The following PIR variants were observed in gnomAD, a reference collection of about 807,000 sequenced individuals.
The protein encoded by PIR is pirin (iron-binding nuclear protein).
A neutral mutation model predicts 24.2 loss-of-function variants in PIR; 22 were observed. That is an observed-to-expected ratio of 0.91 (90% confidence interval 0.65 to 1.30). The LOEUF is 1.30. Among genes scored for constraint, PIR ranks in the 50% most tolerant of loss-of-function variants. The probability of loss-of-function intolerance (pLI) is 0.00; values close to 1 mark genes in which losing one functional copy is unlikely to be tolerated. For missense variants in PIR, 220 were observed against 220.3 expected, an observed-to-expected ratio of 1.00 and a Z score of 0.01; for synonymous variants, 80 against 79.6, an observed-to-expected ratio of 1.00 and a Z score of -0.03.
At chrX:15,426,824 G>T (rs967925726) in intron 5 of PIR, among the ~76,000 whole-genome samples, 4 of 111,976 alleles carry the variant, frequency 3.6e-5, no homozygotes, top group African/African-American at 1.3e-4. Context: ...TTGGGAAGCT[G>T]CTTGGCCATG....
chrX:15,442,902 T>C (rs1451449145), intron 5 of PIR, among the ~76,000 whole-genome samples: 2 of 112,609 alleles, frequency 1.8e-5, no homozygotes, highest in Admixed American at 1.9e-4. Context: ...CAAGTGCTGA[T>C]GGAGAAGCTG....
At chrX:15,456,397 A>C (rs1384884695) in intron 4 of PIR, among the ~76,000 whole-genome samples, 1 of 112,248 alleles carries the variant, frequency 8.9e-6, no homozygotes, top group African/African-American at 3.2e-5. Flanking sequence ...GATACAACTT[A>C]AGTAGTGAAA....
Position 15,446,706 on chromosome X carries a change from G to A in PIR, c.480+9142C>T, listed in dbSNP as rs138698764. Among the ~76,000 whole-genome samples the A allele has an allele frequency of 4.2e-3, 469 of 110,998 alleles. 2 individuals are homozygous for A. Among genetic ancestry groups the A allele is most frequent in the African/African-American group, 0.015 (453 of 30,503 alleles). ...CCATTAGCCTGCCATGATTTCTAGC[G>A]TGCTGACTCACCACAGTATACTCAT... On this transcript the variant is annotated intron_variant, in intron 5 of 9. Transcript: ENST00000380420.
intron 6 of PIR, among the ~76,000 whole-genome samples, chrX:15,412,486 A>C (rs1481110159): frequency 8.9e-6 from 1 of 112,395 alleles, no homozygotes; most frequent in Non-Finnish European, 1.9e-5. Context: ...TACTTATTTC[A>C]TATCTATCTT....
At chrX:15,469,631 GA>G (rs1251390400) in intron 3 of PIR, among the ~76,000 whole-genome samples, 2 of 111,304 alleles carry the variant, frequency 1.8e-5, no homozygotes, top group Non-Finnish European at 1.9e-5. Flanking sequence ...AAATTTGGGG[GA>G]AAAAATTAAG....
chrX:15,458,497 G>A (rs1921171192), intron 4 of PIR, among the ~76,000 whole-genome samples: 1 of 110,975 alleles, frequency 9.0e-6, no homozygotes, highest in South Asian at 3.8e-4. Flanking sequence ...AAATTAGCCA[G>A]GTGTGGTGTT....
chrX:15,431,671 A>C (rs202193269), intron 5 of PIR, among the ~76,000 whole-genome samples: 263 of 77,093 alleles, frequency 3.4e-3, no homozygotes, highest in African/African-American at 5.4e-3. Flanking sequence ...AAAAATAACC[A>C]CCCCCCCCCC....
rs1243490816 is a variant in PIR, at chrX:15,443,737, G to A, written c.480+12111C>T. On this transcript the variant is annotated intron_variant, in intron 5 of 9. Transcript: ENST00000380420. ...GGGGATCAAAATATCAACATTAATAGGAGTTTGGTAGAAGTTGATTCCAAC... is the reference window on the plus strand; with the variant it reads ...GGGGATCAAAATATCAACATTAATAAGAGTTTGGTAGAAGTTGATTCCAAC... 2.7e-5 allele frequency among the ~76,000 whole-genome samples: 3 copies of A among 111,414 alleles called. No individual in the cohort carries two copies. In the East Asian group the frequency reaches 8.4e-4, roughly 31 times the overall value.
chrX:15,417,487 T>C (rs1194933293), intron 6 of PIR, among the ~76,000 whole-genome samples: 1 of 112,182 alleles, frequency 8.9e-6, no homozygotes, highest in Non-Finnish European at 1.9e-5. Context: ...CCTTTCCTTT[T>C]TTTTCCCCAT....
chrX:15,484,282 A>G (rs1263989064), intron 2 of PIR, among the ~76,000 whole-genome samples: 1 of 99,309 alleles, frequency 1.0e-5, no homozygotes, highest in African/African-American at 3.6e-5. Flanking sequence ...AAAAGAGGAG[A>G]GCGGTAGATA....
chrX:15,420,120 C>G (rs1244628395), intron 6 of PIR, among the ~76,000 whole-genome samples: 1 of 110,496 alleles, frequency 9.1e-6, no homozygotes, highest in African/African-American at 3.3e-5. Flanking sequence ...TCACTTGAAC[C>G]TGGGAGGCAG....
chrX:15,425,979 G>A lies in PIR; in HGVS notation c.492C>T (p.Tyr164=), dbSNP rs1487217330. 8.5e-7 allele frequency: 1 copy of A among 1,176,929 alleles called. No individual in the cohort carries two copies. Among genetic ancestry groups the A allele is most frequent in the South Asian group, 1.8e-5 (1 of 55,953 alleles). Residue 164 remains tyrosine, a synonymous_variant, in exon 6 of 10, where the codon TAC becomes TAT. Transcript: ENST00000380420. ...CCAAATATAAGGTTGGTGTGCGAGT[G>A]TAAACCTTGGACTGAAAAGGAAAAG... ...GEALGIKSKV[Y]TRTPTLYLDF... is the part of the protein sequence containing the mutation.
intron 2 of PIR, among the ~76,000 whole-genome samples, chrX:15,487,989 T>C (rs1403186191): frequency 9.0e-6 from 1 of 111,641 alleles, no homozygotes; most frequent in Admixed American, 9.5e-5. Context: ...GTTTGAAAAA[T>C]AACCTCTTGG....
At chrX:15,486,016 G>T (rs1168151727) in intron 2 of PIR, among the ~76,000 whole-genome samples, 1 of 110,437 alleles carries the variant, frequency 9.1e-6, no homozygotes, top group Non-Finnish European at 1.9e-5. Flanking sequence ...TCCTTTAGCT[G>T]CTGAATTCAA....
chrX:15,412,568 G>A (rs932398609), intron 6 of PIR, among the ~76,000 whole-genome samples: 1 of 111,578 alleles, frequency 9.0e-6, no homozygotes, highest in Non-Finnish European at 1.9e-5. Flanking sequence ...TTTTCTACAC[G>A]CGTAAATTGC....
intron 5 of PIR, among the ~76,000 whole-genome samples, chrX:15,442,200 T>C (rs1222306046): frequency 9.0e-6 from 1 of 111,507 alleles, no homozygotes; most frequent in African/African-American, 3.3e-5. Context: ...CTTGCCATAT[T>C]TCATTATCAC....
intron 6 of PIR, among the ~76,000 whole-genome samples, chrX:15,420,316 G>A (rs1041509594): frequency 4.2e-5 from 2 of 47,381 alleles, no homozygotes; most frequent in African/African-American, 1.1e-4. Flanking sequence ...ACAGATATAC[G>A]TTCTCTCTCA....
intron 3 of PIR, among the ~76,000 whole-genome samples, chrX:15,476,507 T>A (rs190752570): frequency 2.8e-3 from 317 of 111,412 alleles, no homozygotes; most frequent in African/African-American, 9.5e-3. Flanking sequence ...TTTGTATCTA[T>A]GCTTTGTATT....
At chrX:15,434,201 A>G (rs1292998893) in intron 5 of PIR, among the ~76,000 whole-genome samples, 2 of 92,868 alleles carry the variant, frequency 2.2e-5, no homozygotes, top group African/African-American at 8.1e-5. Context: ...GAGAAAGAAG[A>G]AGGAGGAGGA....
Sources: allele counts gnomAD v4.1 joint callset (sites outside exome capture counted in the v4.1 genomes callset), GRCh38; gene constraint gnomAD v4.1.1; transcripts MANE v1.5; gene names NCBI Gene and HGNC (gene_info 2026-07-23, HGNC 2026-07-21).